Variants in CDH18 observed in about 807,000 individuals in gnomAD.
The protein encoded by CDH18 is cadherin-18.
Under a neutral mutation model 67.9 loss-of-function variants are expected in CDH18, and 31 were observed. The observed-to-expected ratio is 0.46, with a 90% CI of 0.34 to 0.62. The LOEUF is 0.62. Ranked by LOEUF, CDH18 falls within the 20% of genes least tolerant of loss-of-function variation. The probability of loss-of-function intolerance (pLI) is 0.01; values close to 1 mark genes in which losing one functional copy is unlikely to be tolerated. For missense variants in CDH18, 890 were observed against 975.5 expected, an observed-to-expected ratio of 0.91 and a Z score of 1.17; for synonymous variants, 362 against 347.2, an observed-to-expected ratio of 1.04 and a Z score of -0.48.
chr5:19,621,322 G>T (rs1428659850), intron 5 of CDH18, among the ~76,000 whole-genome samples: 1 of 150,648 alleles, frequency 6.6e-6, no homozygotes, highest in Non-Finnish European at 1.5e-5. Context: ...CCCACCAACA[G>T]TATGGCTCTC....
chr5:19,564,127 A>G (rs2149898720), intron 8 of CDH18, among the ~76,000 whole-genome samples: 1 of 152,280 alleles, frequency 6.6e-6, no homozygotes, highest in Admixed American at 6.5e-5. Context: ...AGGGTCCTTA[A>G]TGAACTTGAA....
intron 1 of CDH18, among the ~76,000 whole-genome samples, chr5:20,543,026 G>A (rs930063762): frequency 6.6e-6 from 1 of 151,792 alleles, no homozygotes; most frequent in African/African-American, 2.4e-5. Flanking sequence ...GCTAAATAAG[G>A]CATGAAAATC....
intron 1 of CDH18, among the ~76,000 whole-genome samples, chr5:20,501,603 T>TA (rs1371421171): frequency 5.5e-4 from 49 of 88,634 alleles, no homozygotes; most frequent in Admixed American, 1.3e-3. Flanking sequence ...ATTATATATA[T>TA]ATATATATAT....
At chr5:20,006,176 G>A (rs554453486) in intron 2 of CDH18, among the ~76,000 whole-genome samples, 1 of 151,866 alleles carries the variant, frequency 6.6e-6, no homozygotes, top group Admixed American at 6.6e-5. Context: ...AACTTGATTG[G>A]AGAAATCAAA....
intron 9 of CDH18, among the ~76,000 whole-genome samples, chr5:19,526,615 T>G (rs1166117894): frequency 2.0e-5 from 3 of 152,134 alleles, no homozygotes; most frequent in African/African-American, 7.2e-5. Context: ...TATCATGACT[T>G]AAATCTTTAA....
chr5:20,000,896 T>C (rs775319347), intron 2 of CDH18, among the ~76,000 whole-genome samples: 1 of 152,144 alleles, frequency 6.6e-6, no homozygotes, highest in Non-Finnish European at 1.5e-5. Context: ...ACAAGATATT[T>C]AGTTGATATG....
intron 1 of CDH18, among the ~76,000 whole-genome samples, chr5:20,355,180 G>T (rs1386374720): frequency 1.3e-5 from 2 of 152,134 alleles, no homozygotes; most frequent in East Asian, 1.9e-4. Flanking sequence ...ATATCTAACT[G>T]CCTATGCAGT....
intron 9 of CDH18, among the ~76,000 whole-genome samples, chr5:19,525,604 T>A: frequency 6.6e-6 from 1 of 152,200 alleles, no homozygotes; most frequent in East Asian, 1.9e-4. Context: ...TTACTAAAAG[T>A]AGGATGATGT....
intron 2 of CDH18, among the ~76,000 whole-genome samples, chr5:20,241,070 TATG>T (rs142284872): frequency 0.014 from 2,122 of 152,286 alleles, 59 homozygotes; most frequent in African/African-American, 0.049. Context: ...ATTTCAAAAA[TATG>T]AGAAAACAAA....
chr5:19,744,060 T>C (rs181015932), intron 4 of CDH18, among the ~76,000 whole-genome samples: 173 of 152,262 alleles, frequency 1.1e-3, no homozygotes, highest in African/African-American at 4.1e-3. Context: ...ATCTATTATA[T>C]GTTATTACCA....
Position 19,473,343 on chromosome 5 carries a change from C to A in CDH18, c.2256G>T (p.Ser752=), listed in dbSNP as rs765641689. 6.2e-7 allele frequency: 1 copy of A among 1,613,866 alleles called. No homozygotes were observed. Among genetic ancestry groups the A allele is most frequent in the Non-Finnish European group, 8.5e-7 (1 of 1,179,906 alleles). The change falls in exon 13 of 13, where the codon TCG becomes TCT. Residue 752 remains serine, a synonymous_variant. Transcript: ENST00000382275. ...CTGATTGTGTCGTTGCTGAATCCAGCGAGCTGATAGACCCAGCTTCTGATC... is the reference window on the plus strand; with the variant it reads ...CTGATTGTGTCGTTGCTGAATCCAGAGAGCTGATAGACCCAGCTTCTGATC... The part of the protein sequence containing the change: ...GQRSEAGSIS[S]LDSATTQSDQ...
intron 2 of CDH18, among the ~76,000 whole-genome samples, chr5:20,201,940 G>A (rs1469685809): frequency 5.3e-5 from 8 of 152,172 alleles, no homozygotes; most frequent in African/African-American, 1.7e-4. Context: ...CCAGTGACAT[G>A]AGAAAAATTT....
rs146403159 is a variant in CDH18 at position 20,571,394 on chromosome 5, A to C, written c.-580+4068T>G. Among the ~76,000 whole-genome samples the C allele has an allele frequency of 5.3e-5, 8 of 152,232 alleles. No individual in the cohort carries two copies. The East Asian group carries it at 1.5e-3, about 29-fold the overall frequency. On this transcript the variant is annotated intron_variant, in intron 1 of 14. Transcript: ENST00000507958. The stretch of plus-strand genomic sequence containing the variant: ...CTTTTTAGAAGACAGTAAAGTCCTT[A>C]ACATATTTTATTTATGGTTCACATC...
chr5:19,833,947 T>C (rs559672875), intron 3 of CDH18, among the ~76,000 whole-genome samples: 3 of 152,142 alleles, frequency 2.0e-5, no homozygotes, highest in Non-Finnish European at 4.4e-5. Flanking sequence ...ATTTTCTCAT[T>C]GATGTTCATC....
chr5:19,765,198 G>T (rs1772908860), intron 3 of CDH18, among the ~76,000 whole-genome samples: 1 of 152,150 alleles, frequency 6.6e-6, no homozygotes, highest in Non-Finnish European at 1.5e-5. Context: ...TCCCCGCTAT[G>T]TATCAAGTGA....
intron 2 of CDH18, among the ~76,000 whole-genome samples, chr5:19,897,033 A>G (rs903211573): frequency 1.3e-5 from 2 of 152,186 alleles, no homozygotes; most frequent in African/African-American, 2.4e-5. Context: ...TTGCAAAGAT[A>G]TCTTAAAAAC....
chr5:19,677,697 A>G (rs2150371837), intron 5 of CDH18, among the ~76,000 whole-genome samples: 1 of 149,476 alleles, frequency 6.7e-6, no homozygotes, highest in African/African-American at 2.4e-5. Context: ...CCGTAAACTA[A>G]AAAAAAAAGG....
At chr5:19,484,493 T>C (rs1416518878) in intron 11 of CDH18, among the ~76,000 whole-genome samples, 1 of 152,206 alleles carries the variant, frequency 6.6e-6, no homozygotes, top group African/African-American at 2.4e-5. Context: ...CCTGAATGCA[T>C]AGCTGAAAAC....
intron 1 of CDH18, among the ~76,000 whole-genome samples, chr5:20,357,875 G>C (rs746045752): frequency 1.3e-5 from 2 of 151,976 alleles, no homozygotes; most frequent in Non-Finnish European, 2.9e-5. Flanking sequence ...ATTTGCAATA[G>C]CAAAGACATG....
Sources: gnomAD v4.1 joint callset for allele counts (sites outside exome capture counted in the v4.1 genomes callset) on GRCh38, gnomAD v4.1.1 for gene constraint, MANE v1.5 for transcripts, NCBI Gene and HGNC (gene_info 2026-07-23, HGNC 2026-07-21) for gene names.